Variants in NLRP3 observed in about 807,000 individuals in gnomAD.
The protein encoded by NLRP3 is NACHT, LRR and PYD domains-containing protein 3.
A neutral mutation model predicts 91.3 loss-of-function variants in NLRP3; 48 were observed. The observed-to-expected ratio is 0.53, with a 90% CI of 0.42 to 0.67. The LOEUF (loss-of-function observed/expected upper bound fraction) is 0.67. Ranked by LOEUF, NLRP3 falls within the 30% of genes least tolerant of loss-of-function variation. The pLI, the probability that NLRP3 is intolerant of heterozygous loss-of-function variation, is 0.00. For synonymous variants in NLRP3, 561 were observed against 507.9 expected (o/e 1.10, Z -1.41); for missense variants, 982 against 1,276.9 (o/e 0.77, Z 3.52).
intron 6 of NLRP3, 109 bp downstream of exon 6, chr1:247,434,382 G>A (rs1428653991): frequency 3.4e-6 from 4 of 1,176,870 alleles, no homozygotes; most frequent in African/African-American, 1.5e-5. Context: ...GGCCTTGGCG[G>A]CTCGGGTGAC....
At chr1:247,444,957 G>A (rs1157022845) in intron 9 of NLRP3, 136 bp downstream of exon 9, 1 of 834,640 alleles carries the variant, frequency 1.2e-6, no homozygotes, top group Non-Finnish European at 1.9e-6. Context: ...CAGTTGTGGT[G>A]GATATTTTAA....
At chr1:247,431,749 T>C (rs1193968677) in intron 5 of NLRP3, among the ~76,000 whole-genome samples, 4 of 152,220 alleles carry the variant, frequency 2.6e-5, no homozygotes, top group Non-Finnish European at 5.9e-5. Context: ...TCTGATTCGA[T>C]TGTGCTGTTC....
chr1:247,447,176 G>GA (rs763594749), intron 9 of NLRP3, among the ~76,000 whole-genome samples: 8 of 152,196 alleles, frequency 5.3e-5, no homozygotes, highest in Non-Finnish European at 1.0e-4. Context: ...CTGGAGGCTA[G>GA]AAAGTCCAAA....
chr1:247,425,730 T>C lies in NLRP3; in HGVS notation c.2150+131T>C. On this transcript the variant is annotated intron_variant, in intron 4 of 9. Coordinates refer to ENST00000336119, the MANE Select transcript of NLRP3 (RefSeq NM_001243133.2). This position sits in a 1 kb window ranked among gnomAD's most constrained non-coding sequence, Gnocchi z 4.1. ...CACAGCTACATCATAATGCCACCAC[T>C]GTCTGTTTGAGACTCCTTCATGAGC... The C allele has an allele frequency of 1.2e-6, 1 of 840,804 alleles. No homozygotes were observed. Among genetic ancestry groups the C allele is most frequent in the Admixed American group, 2.0e-5 (1 of 49,866 alleles). The allele number at this position is 840,804 out of a possible 1,614,324, so 52.1% of individuals were successfully genotyped here.
chr1:247,435,970 G>A lies in NLRP3; in HGVS notation c.2493G>A (p.Trp831Ter). Residue 831 changes from tryptophan to a stop codon, truncating the protein, a stop_gained and splice_region_variant, in exon 7 of 10, where the codon TGG (tryptophan) becomes TGA (stop). Coordinates refer to ENST00000336119, the MANE Select transcript of NLRP3 (RefSeq NM_001243133.2). LOFTEE classifies it high-confidence loss of function. ...KHLLCNLKKL[W>*]LVSCCLTSAC... is the part of the protein sequence containing the mutation. ...TGACATTCTGCCATCTCTATGGAAG[G>A]TTGGTCAGCTGCTGCCTCACATCAG... 1 of 1,613,832 alleles carries A rather than the reference G, an allele frequency of 6.2e-7. No homozygotes were observed. The highest frequency in any genetic ancestry group is 8.5e-7 in the Non-Finnish European group (1 of 1,180,006).
chr1:247,425,341 G>A lies in NLRP3; in HGVS notation c.1892G>A (p.Cys631Tyr). ...CCCAGCCAGCTGGAATTGTTCTACT[G>A]TTTGTACGAGATGCAGGAGGAGGAC... ...IQPSQLELFY[C>Y]LYEMQEEDFV... The change falls in exon 4 of 10, where the codon TGT (cysteine) becomes TAT (tyrosine). Residue 631 changes from cysteine to tyrosine, a missense_variant. Physicochemically the swap from Cys to Tyr is radical, Grantham distance 194. This residue lies in a region of NLRP3 where 373 missense variants were observed against 431.5 expected (regional missense o/e 0.86). Coordinates refer to ENST00000336119, the MANE Select transcript of NLRP3 (RefSeq NM_001243133.2). The surrounding 1 kb of genome is among the most constrained non-coding windows in gnomAD (Gnocchi z 4.1). 1 of 1,614,178 alleles carries A rather than the reference G, an allele frequency of 6.2e-7. No homozygotes were observed. Among genetic ancestry groups the A allele is most frequent in the Non-Finnish European group, 8.5e-7 (1 of 1,180,032 alleles).
chr1:247,434,148 C>T lies in NLRP3; in HGVS notation c.2367C>T (p.Ser789=). ...CGCATGAGTGCTGCTTCGACATCTC[C>T]TTGGTCCTCAGCAGCAACCAGAAGC... is the stretch of plus-strand genomic sequence containing the variant. ...GLSHECCFDI[S]LVLSSNQKLV... Residue 789 remains serine, a synonymous_variant, in exon 6 of 10, where the codon TCC becomes TCT. Coordinates refer to ENST00000336119, the MANE Select transcript of NLRP3 (RefSeq NM_001243133.2). 1.9e-6 allele frequency: 3 copies of T among 1,613,150 alleles called. No homozygotes were observed. Among genetic ancestry groups the T allele is most frequent in the Non-Finnish European group, 2.5e-6 (3 of 1,179,600 alleles).
At chr1:247,443,859 C>G (rs548546734) in intron 7 of NLRP3, 113 bp from the exon 8 acceptor site, 3 of 1,011,276 alleles carry the variant, frequency 3.0e-6, no homozygotes, top group Admixed American at 2.0e-5. Context: ...GGCTCCTGCT[C>G]TCTGAGCTGA....
At chr1:247,419,144 T>TTA (rs35723895) in intron 2 of NLRP3, 67 bp downstream of exon 2, 690 of 965,096 alleles carry the variant, frequency 7.1e-4, no homozygotes, top group Middle Eastern at 1.4e-3. Context: ...TTTTCCATCT[T>TTA]TATATATATA....
chr1:247,440,094 C>T (rs4925657), intron 7 of NLRP3, among the ~76,000 whole-genome samples: 8,913 of 34,550 alleles, frequency 0.26, 431 homozygotes, highest in Admixed American at 0.4. Context: ...GTATAGCCTA[C>T]GTGTTAGGTA....
rs970406624 is a variant in NLRP3, at chr1:247,425,749, C to T, written c.2150+150C>T. ...CACCACTGTCTGTTTGAGACTCCTT[C>T]ATGAGCAAAGATTGATGTATGGTAG... On this transcript the variant is annotated intron_variant, in intron 4 of 9. Transcript: ENST00000336119. This position sits in a 1 kb window ranked among gnomAD's most constrained non-coding sequence, Gnocchi z 4.1. The T allele has an allele frequency of 1.4e-6, 1 of 728,078 alleles. No individual in the cohort carries two copies. Among genetic ancestry groups the T allele is most frequent in the African/African-American group, 1.8e-5 (1 of 56,970 alleles). The allele number at this position is 728,078 out of a possible 1,614,324, so 45.1% of individuals were successfully genotyped here.
chr1:247,447,586 T>A (rs1181826108), intron 9 of NLRP3, among the ~76,000 whole-genome samples: 2 of 152,208 alleles, frequency 1.3e-5, no homozygotes, highest in East Asian at 3.8e-4. Flanking sequence ...AGAACTTACA[T>A]CGAAGATGTG....
Position 247,419,070 on chromosome 1 carries a change from G to A in NLRP3, c.270G>A (p.Pro90=), listed in dbSNP as rs771343047. Residue 90 remains proline, a synonymous_variant, in exon 2 of 10, where the codon CCG becomes CCA. Coordinates refer to ENST00000336119, the MANE Select transcript of NLRP3 (RefSeq NM_001243133.2). ...DLYEKAKRDE[P]KWGSDNARVS... is the part of the protein sequence containing the mutation. ...ATGAGAAAGCAAAAAGAGATGAGCCGAAGTGGGGTGAGTGGAAGGAAGACT... is the reference window on the plus strand; with the variant it reads ...ATGAGAAAGCAAAAAGAGATGAGCCAAAGTGGGGTGAGTGGAAGGAAGACT... The A allele has an allele frequency of 1.1e-5, 17 of 1,610,116 alleles. No homozygotes were observed. Among genetic ancestry groups the A allele is most frequent in the East Asian group, 4.5e-5 (2 of 44,858 alleles).
intron 2 of NLRP3, among the ~76,000 whole-genome samples, chr1:247,422,814 G>A (rs558159629): frequency 2.6e-5 from 4 of 152,362 alleles, no homozygotes; most frequent in Admixed American, 1.3e-4. Context: ...GGGAACTGCG[G>A]TCAGGGAAGG....
rs201252712 is a variant in NLRP3, at chr1:247,424,773, G to A, written c.1324G>A (p.Val442Ile). ...QTSKTTTAVYVFFLSSLLQPR... is the reference protein window; with the variant it reads ...QTSKTTTAVYIFFLSSLLQPR... ...ATCCAAGACCACCACCGCGGTGTAC[G>A]TCTTCTTCCTTTCCAGTTTGCTGCA... Residue 442 changes from valine to isoleucine, a missense_variant, in exon 4 of 10, where the codon GTC becomes ATC. Transcript: ENST00000336119. This position sits in a 1 kb window ranked among gnomAD's most constrained non-coding sequence, Gnocchi z 8.1. The A allele has an allele frequency of 1.3e-5, 21 of 1,611,966 alleles. No homozygotes were observed. The highest frequency in any genetic ancestry group is 1.1e-4 in the East Asian group (5 of 44,876).
intron 7 of NLRP3, among the ~76,000 whole-genome samples, chr1:247,437,974 A>G (rs943441429): frequency 5.3e-5 from 8 of 152,236 alleles, no homozygotes; most frequent in Non-Finnish European, 1.0e-4. Context: ...CAAATTCCAC[A>G]TGACAAACAA....
At chr1:247,430,695 T>C (rs1415682553) in intron 5 of NLRP3, among the ~76,000 whole-genome samples, 1 of 152,102 alleles carries the variant, frequency 6.6e-6, no homozygotes, top group East Asian at 1.9e-4. Context: ...CATTTCCTCA[T>C]GGGCCATGTT....
rs55687367 is a variant in NLRP3, at chr1:247,434,012, C to T, written c.2322-91C>T. The T allele has an allele frequency of 0.014, 10,693 of 748,400 alleles. 1,142 individuals are homozygous for T. Among genetic ancestry groups the T allele is most frequent in the Admixed American group, 0.045 (1,666 of 36,964 alleles). The allele number at this position is 748,400 out of a possible 1,614,324, so 46.4% of individuals were successfully genotyped here. On this transcript the variant is annotated intron_variant, in intron 5 of 9. Coordinates refer to ENST00000336119, the MANE Select transcript of NLRP3 (RefSeq NM_001243133.2). The stretch of plus-strand genomic sequence containing the variant: ...TGATGCTTTCTCTATTCCGGAGCTT[C>T]CTGATCAGGTGTGTCCTGATGCTTC...
chr1:247,423,113 G>A (rs1464327828), intron 2 of NLRP3, 117 bp from the exon 3 acceptor site: 2 of 1,434,600 alleles, frequency 1.4e-6, no homozygotes, highest in East Asian at 4.6e-5. Context: ...TCAGAGCCAT[G>A]TTTTGATTTG....
Sources: gnomAD v4.1 joint callset for allele counts (sites outside exome capture counted in the v4.1 genomes callset) on GRCh38, gnomAD v4.1.1 for gene constraint, gnomAD v4.1.1 regional missense constraint, Gnocchi (gnomAD v3.1) non-coding constraint, MANE v1.5 for transcripts, NCBI Gene and HGNC (gene_info 2026-07-23, HGNC 2026-07-21) for gene names.